Variants in PLIN2 observed in about 807,000 individuals in gnomAD.
PLIN2 encodes the protein perilipin 2.
PLIN2 carries 33 observed loss-of-function variants against 30.6 expected under a neutral mutation model. That is an observed-to-expected ratio of 1.08 (90% CI 0.82 to 1.44). The LOEUF (loss-of-function observed/expected upper bound fraction) is 1.44. Among genes scored for constraint, PLIN2 ranks in the 40% most tolerant of loss-of-function variants. The pLI is 0.00. For synonymous variants in PLIN2, 205 were observed against 201.1 expected, an observed-to-expected ratio of 1.02 and a Z score of -0.16; for missense variants, 610 against 531.8, an observed-to-expected ratio of 1.15 and a Z score of -1.45.
chr9:19,118,329 A>AG lies in PLIN2; in HGVS notation c.903dup (p.Cys302LeufsTer3). ...CGTCCCAGTCATCTTACCTCAGCAC[A>AG]GTGGGACTCATCAGTATCATCATAT... On this transcript the variant is annotated frameshift_variant, in exon 7 of 8. Transcript: ENST00000276914. LOFTEE classifies it low-confidence loss of function (END_TRUNC). 1 of 1,612,186 alleles carries AG rather than the reference A, an allele frequency of 6.2e-7. No homozygotes were observed. Among genetic ancestry groups the AG allele is most frequent in the Non-Finnish European group, 8.5e-7 (1 of 1,179,352 alleles).
intron 1 of PLIN2, among the ~76,000 whole-genome samples, chr9:19,126,884 A>G (rs1818409795): frequency 6.6e-6 from 1 of 152,138 alleles, no homozygotes; most frequent in Non-Finnish European, 1.5e-5. Context: ...TCTTCTAAAA[A>G]TACAAAAATT....
intron 3 of PLIN2, chr9:19,125,855 A>T (rs1229915566): frequency 3.1e-6 from 1 of 320,234 alleles, no homozygotes; most frequent in African/African-American, 2.1e-5. Context: ...CCCAGCAGGC[A>T]GAGGTTGCAG....
intron 2 of PLIN2, among the ~76,000 whole-genome samples, chr9:19,109,979 A>G (rs1314587436): frequency 6.6e-6 from 1 of 151,762 alleles, no homozygotes; most frequent in Non-Finnish European, 1.5e-5. Flanking sequence ...AAAATCCCTC[A>G]AAAAATAGAA....
chr9:19,120,696 T>C lies in PLIN2; in HGVS notation c.595+184A>G, dbSNP rs148229010. ...CCCATCTCTATAAAATTAAATTAAATTAAAAAGGACTGACTGCAAACAGGC... is the reference window on the plus strand; with the variant it reads ...CCCATCTCTATAAAATTAAATTAAACTAAAAAGGACTGACTGCAAACAGGC... On this transcript the variant is annotated intron_variant, in intron 5 of 7. Coordinates refer to ENST00000276914, the MANE Select transcript of PLIN2 (RefSeq NM_001122.4). Among the ~76,000 whole-genome samples the C allele has an allele frequency of 2.6e-5, 4 of 152,194 alleles. No homozygotes were observed. In the East Asian group the frequency reaches 5.8e-4, roughly 22 times the overall value.
Position 19,116,389 on chromosome 9 carries a change from A to C in PLIN2, c.1173T>G (p.Tyr391Ter). The change falls in exon 8 of 8, where the codon TAT becomes TAG. Residue 391 changes from tyrosine (Y) to a stop codon, truncating the protein, a stop_gained. Coordinates refer to ENST00000276914, the MANE Select transcript of PLIN2 (RefSeq NM_001122.4). LOFTEE classifies it low-confidence loss of function (END_TRUNC). ...MKESLDDVMD[Y>*]LVNNTPLNWL... Reference sequence around the variant, plus strand: ...AGTTGAGGGGCGTGTTGTTAACAAGATAATCCATCACGTCATCTAAAGATT... The same window carrying C: ...AGTTGAGGGGCGTGTTGTTAACAAGCTAATCCATCACGTCATCTAAAGATT... 6.2e-7 allele frequency: 1 copy of C among 1,614,206 alleles called. No individual in the cohort carries two copies. The highest frequency in any genetic ancestry group is 8.5e-7 in the Non-Finnish European group (1 of 1,180,040).
At chr9:19,109,339 G>C (rs981962910) in intron 2 of PLIN2, among the ~76,000 whole-genome samples, 1 of 150,780 alleles carries the variant, frequency 6.6e-6, no homozygotes, top group Non-Finnish European at 1.5e-5. Context: ...AGGATCACGA[G>C]GTTGGGAGAT....
At chr9:19,113,674 A>G (rs1305311848), downstream of PLIN2, among the ~76,000 whole-genome samples, 1 of 151,046 alleles carries the variant, frequency 6.6e-6, no homozygotes, top group Non-Finnish European at 1.5e-5. Flanking sequence ...GCCTTGGTTC[A>G]GGGGATTCTT....
downstream of PLIN2, among the ~76,000 whole-genome samples, chr9:19,112,746 C>T (rs987185359): frequency 1.3e-5 from 2 of 151,188 alleles, no homozygotes; most frequent in South Asian, 4.2e-4. Flanking sequence ...ACCACAAATC[C>T]TGAGACATGT....
intron 2 of PLIN2, among the ~76,000 whole-genome samples, chr9:19,110,365 A>G (rs902875486): frequency 6.6e-6 from 1 of 152,198 alleles, no homozygotes; most frequent in African/African-American, 2.4e-5. Context: ...TTTGTGCTTA[A>G]GATGAATATA....
chr9:19,116,536 T>G lies in PLIN2; in HGVS notation c.1026A>C (p.Gln342His). ...CTGCCATCACCCCCATGTGCTTGGC[T>G]TGATCTTGGATGTTCTGTGGTACAC... ...IQGVPQNIQD[Q>H]AKHMGVMAGD... The change falls in exon 8 of 8, where the codon CAA (glutamine) becomes CAC (histidine). Residue 342 changes from glutamine to histidine, a missense_variant. Physicochemically the swap from Gln to His is conservative, Grantham distance 24. Coordinates refer to ENST00000276914, the MANE Select transcript of PLIN2 (RefSeq NM_001122.4). 1.2e-6 allele frequency: 2 copies of G among 1,614,192 alleles called. No homozygotes were observed. The highest frequency in any genetic ancestry group is 2.2e-5 in the South Asian group (2 of 91,076).
At chr9:19,116,955 G>A (rs761139340) in intron 7 of PLIN2, among the ~76,000 whole-genome samples, 22 of 152,102 alleles carry the variant, frequency 1.4e-4, no homozygotes, top group Non-Finnish European at 1.8e-4. Context: ...AGACCCAAAA[G>A]AATGGAAATA....
chr9:19,117,285 C>T (rs900495281), intron 7 of PLIN2, among the ~76,000 whole-genome samples: 3 of 152,008 alleles, frequency 2.0e-5, no homozygotes, highest in Non-Finnish European at 4.4e-5. Context: ...CTCAGCCTCT[C>T]GAGCAACTAG....
chr9:19,118,538 G>T (rs1818266357), intron 6 of PLIN2, 83 bp from the exon 7 acceptor site: 12 of 1,287,888 alleles, frequency 9.3e-6, no homozygotes, highest in Non-Finnish European at 1.2e-5. Context: ...TGTAAATCAG[G>T]CAACATAAAA....
chr9:19,125,321 G>A (rs1457875034), intron 3 of PLIN2, among the ~76,000 whole-genome samples: 7 of 152,198 alleles, frequency 4.6e-5, no homozygotes, highest in African/African-American at 1.7e-4. Context: ...GGGAGGCCGA[G>A]GCGGGCGGAT....
At chr9:19,115,238 TA>T (rs781479860), downstream of PLIN2, among the ~76,000 whole-genome samples, 46 of 152,306 alleles carry the variant, frequency 3.0e-4, no homozygotes, top group Non-Finnish European at 5.7e-4. Flanking sequence ...CATTAGCTTT[TA>T]ATTTGTTTTA....
At chr9:19,123,383 G>T (rs1358509885) in intron 4 of PLIN2, 182 bp downstream of exon 4, 1 of 1,551,268 alleles carries the variant, frequency 6.4e-7, no homozygotes, top group East Asian at 2.4e-5. Context: ...TCTCTGCTTC[G>T]TAGATACAAC....
intron 4 of PLIN2, among the ~76,000 whole-genome samples, chr9:19,121,934 A>G (rs1300670793): frequency 6.6e-6 from 1 of 152,034 alleles, no homozygotes; most frequent in African/African-American, 2.4e-5. Flanking sequence ...TCTGTCTCAA[A>G]AACAAACAAA....
At position 19,119,649 on chromosome 9, in the gene PLIN2, C is replaced by G; in HGVS notation, c.777+1G>C. ...ACACCTTAAAATAAAGTTTTACTCA[C>G]CAGGTGAACAGTAGAATGGAGCTGA... On this transcript the variant is annotated splice_donor_variant, in intron 6 of 7. Coordinates refer to ENST00000276914, the MANE Select transcript of PLIN2 (RefSeq NM_001122.4). LOFTEE classifies it high-confidence loss of function. The G allele has an allele frequency of 6.4e-7, 1 of 1,558,200 alleles. No homozygotes were observed. Among genetic ancestry groups the G allele is most frequent in the Non-Finnish European group, 8.7e-7 (1 of 1,146,766 alleles).
At position 19,116,638 on chromosome 9, in the gene PLIN2, T is replaced by G. The variant is rs948864821; in HGVS notation, c.924A>C (p.Ser308=). The change falls in exon 8 of 8, where the codon TCA becomes TCC. Residue 308 remains serine, a synonymous_variant. Coordinates refer to ENST00000276914, the MANE Select transcript of PLIN2 (RefSeq NM_001122.4). ...DESHCAEHIE[S]RTLAIARNLT... The stretch of plus-strand genomic sequence containing the variant: ...GGTTGCGGGCAATTGCAAGAGTACG[T>G]GACTCAATGTGCTAAAAATAAAACT... 1.9e-6 allele frequency: 3 copies of G among 1,610,960 alleles called. No individual in the cohort carries two copies. The highest frequency in any genetic ancestry group is 2.5e-6 in the Non-Finnish European group (3 of 1,177,494).
Sources: gnomAD v4.1 joint callset for allele counts (sites outside exome capture counted in the v4.1 genomes callset) on GRCh38, gnomAD v4.1.1 for gene constraint, MANE v1.5 for transcripts, NCBI Gene and HGNC (gene_info 2026-07-23, HGNC 2026-07-21) for gene names.